Variants in MACROD2 observed in about 807,000 individuals in gnomAD.
MACROD2 encodes ADP-ribose glycohydrolase MACROD2.
Under a neutral mutation model 70.4 loss-of-function variants are expected in MACROD2, and 36 were observed. The ratio of observed to expected loss-of-function variants is 0.51; its 90% CI spans 0.39 to 0.68. The LOEUF (loss-of-function observed/expected upper bound fraction) is 0.68, where lower values mean the gene tolerates loss of function less well. MACROD2 is among the 30% of genes least tolerant of loss of function. The pLI is 0.00. For synonymous variants in MACROD2, 172 were observed against 178.8 expected, an observed-to-expected ratio of 0.96 and a Z score of 0.30; for missense variants, 496 against 538.4, an observed-to-expected ratio of 0.92 and a Z score of 0.78.
intron 3 of MACROD2, among the ~76,000 whole-genome samples, chr20:14,243,290 T>G (rs1193044736): frequency 6.6e-6 from 1 of 152,218 alleles, no homozygotes; most frequent in Non-Finnish European, 1.5e-5. Context: ...AAAGTGAAAT[T>G]AACTGGTAGT....
chr20:15,066,130 A>AATTTTT (rs2075573071), intron 5 of MACROD2, among the ~76,000 whole-genome samples: 1 of 129,500 alleles, frequency 7.7e-6, no homozygotes, highest in African/African-American at 2.6e-5. Context: ...TTTTATTTTT[A>AATTTTT]ATTTTTATTT....
intron 8 of MACROD2, among the ~76,000 whole-genome samples, chr20:15,632,040 G>A (rs921325893): frequency 3.9e-5 from 6 of 152,074 alleles, no homozygotes; most frequent in East Asian, 1.9e-4. Context: ...TAGGGAGGCC[G>A]AGGCAGGAGA....
intron 8 of MACROD2, among the ~76,000 whole-genome samples, chr20:15,730,207 A>T (rs1006116116): frequency 2.0e-5 from 3 of 152,210 alleles, no homozygotes; most frequent in African/African-American, 4.8e-5. Context: ...TTCAGGGTTA[A>T]TACTGATATG....
At position 15,366,268 on chromosome 20, in the gene MACROD2, T is replaced by G. The variant is rs1046993614; in HGVS notation, c.541-65137T>G. ...CAATCTCCTTTTTTTCAGTAATTTT[T>G]CCCCCCACTAGTATCCTTCCAAAAG... On this transcript the variant is annotated intron_variant, in intron 6 of 17. Transcript: ENST00000684519. Among the ~76,000 whole-genome samples the G allele has an allele frequency of 2.0e-5, 3 of 152,040 alleles. No individual in the cohort carries two copies. In the East Asian group the frequency reaches 5.8e-4, roughly 29 times the overall value.
intron 3 of MACROD2, among the ~76,000 whole-genome samples, chr20:14,216,622 T>C (rs1226173506): frequency 1.3e-5 from 2 of 152,214 alleles, no homozygotes; most frequent in Non-Finnish European, 2.9e-5. Context: ...CAATATTGAT[T>C]TCACCCATCC....
At chr20:14,407,188 G>A (rs994349780) in intron 3 of MACROD2, among the ~76,000 whole-genome samples, 3 of 150,498 alleles carry the variant, frequency 2.0e-5, no homozygotes, top group African/African-American at 7.3e-5. Flanking sequence ...TTCATTTAAA[G>A]TCTTTCTTAC....
chr20:15,877,654 T>A (rs1170413069), intron 9 of MACROD2, among the ~76,000 whole-genome samples: 1 of 152,176 alleles, frequency 6.6e-6, no homozygotes, highest in Non-Finnish European at 1.5e-5. Context: ...GTCATGAGGA[T>A]AACGACCTCT....
At chr20:15,607,353 G>T (rs556495500) in intron 8 of MACROD2, among the ~76,000 whole-genome samples, 1 of 152,112 alleles carries the variant, frequency 6.6e-6, no homozygotes, top group Non-Finnish European at 1.5e-5. Flanking sequence ...CCCTAATTAG[G>T]TTTGCTTGGG....
intron 8 of MACROD2, among the ~76,000 whole-genome samples, chr20:15,627,576 G>C (rs1208863867): frequency 6.6e-6 from 1 of 152,080 alleles, no homozygotes; most frequent in South Asian, 2.1e-4. Context: ...ATCATAGTGG[G>C]TTGAAGCTGT....
At chr20:14,883,239 T>C (rs1258482137) in intron 5 of MACROD2, among the ~76,000 whole-genome samples, 1 of 152,204 alleles carries the variant, frequency 6.6e-6, no homozygotes. Context: ...TGGGTGATTC[T>C]AAGTTAGATT....
At chr20:15,972,999 C>T (rs944467281) in intron 13 of MACROD2, among the ~76,000 whole-genome samples, 2 of 151,888 alleles carry the variant, frequency 1.3e-5, no homozygotes, top group Middle Eastern at 3.4e-3. Flanking sequence ...TTTAGAAAGG[C>T]TTGTTTAGGT....
chr20:15,220,416 T>A (rs2076849642), intron 5 of MACROD2, among the ~76,000 whole-genome samples: 1 of 152,140 alleles, frequency 6.6e-6, no homozygotes, highest in Non-Finnish European at 1.5e-5. Context: ...AAGCATCGAG[T>A]CACTGCAGGA....
At position 15,417,598 on chromosome 20, in the gene MACROD2, C is replaced by CAAA. The variant is rs71340225; in HGVS notation, c.541-13791_541-13789dup. On this transcript the variant is annotated intron_variant, in intron 6 of 17. Coordinates refer to ENST00000684519, the MANE Select transcript of MACROD2 (RefSeq NM_001351661.2). ...CAGGTGACAGAGCGAAACCCTGTCT[C>CAAA]AAAAAAAAAAAAAAAAAAGAAAGAA... Among the ~76,000 whole-genome samples the CAAA allele has an allele frequency of 6.7e-3, 463 of 68,746 alleles. 5 individuals carry two copies. Among genetic ancestry groups the CAAA allele is most frequent in the South Asian group, 0.015 (22 of 1,480 alleles). 45.1% of individuals were successfully genotyped at this position (68,746 alleles called of 152,430 possible). A position where few individuals can be genotyped will look rare whatever the true frequency, so the allele number is the denominator to read the frequency against.
At chr20:15,244,041 A>G (rs1279984905) in intron 6 of MACROD2, among the ~76,000 whole-genome samples, 1 of 152,196 alleles carries the variant, frequency 6.6e-6, no homozygotes, top group African/African-American at 2.4e-5. Flanking sequence ...TGAAGATAAT[A>G]AGTACTCAAT....
intron 7 of MACROD2, among the ~76,000 whole-genome samples, chr20:15,492,643 G>A (rs1045002665): frequency 6.6e-6 from 1 of 152,172 alleles, no homozygotes; most frequent in African/African-American, 2.4e-5. Flanking sequence ...GATCAACCCA[G>A]TGATACATCC....
At chr20:15,048,695 G>T in intron 5 of MACROD2, among the ~76,000 whole-genome samples, 1 of 152,020 alleles carries the variant, frequency 6.6e-6, no homozygotes, top group East Asian at 1.9e-4. Flanking sequence ...CATTTTTGGA[G>T]CTTAAAAATG....
intron 2 of MACROD2, among the ~76,000 whole-genome samples, chr20:14,032,678 G>GAGC (rs757198862): frequency 4.4e-4 from 67 of 151,952 alleles, no homozygotes; most frequent in Middle Eastern, 3.4e-3. Context: ...GTTTGTTGTT[G>GAGC]AGCACTATAT....
chr20:15,603,968 T>C (rs2048859291), intron 8 of MACROD2, among the ~76,000 whole-genome samples: 1 of 152,206 alleles, frequency 6.6e-6, no homozygotes, highest in Non-Finnish European at 1.5e-5. Flanking sequence ...CATTCCTCTA[T>C]TCCTTGTTAT....
At chr20:14,949,836 C>T (rs879765803) in intron 5 of MACROD2, among the ~76,000 whole-genome samples, 2 of 152,104 alleles carry the variant, frequency 1.3e-5, no homozygotes, top group Admixed American at 1.3e-4. Flanking sequence ...TGTATCTTAT[C>T]TCTAAGCTGT....
Sources: gnomAD v4.1 joint callset for allele counts (sites outside exome capture counted in the v4.1 genomes callset) on GRCh38, gnomAD v4.1.1 for gene constraint, MANE v1.5 for transcripts, NCBI Gene and HGNC (gene_info 2026-07-23, HGNC 2026-07-21) for gene names.